CALN1: variants seen among roughly 807,000 people sequenced by gnomAD.
The protein encoded by CALN1 is calneuron 1.
CALN1 carries 17 observed loss-of-function variants against 30.6 expected under a neutral mutation model. That is an observed-to-expected ratio of 0.56 (90% confidence interval 0.38 to 0.83). The LOEUF is 0.83. CALN1 is among the 40% of genes least tolerant of loss of function. The pLI is 0.00. For missense variants in CALN1, 291 were observed against 354.9 expected, an observed-to-expected ratio of 0.82 and a Z score of 1.45; for synonymous variants, 156 against 131.4, an observed-to-expected ratio of 1.19 and a Z score of -1.28.
chr7:72,286,963 A>G (rs1419991664), intron 2 of CALN1, among the ~76,000 whole-genome samples: 1 of 152,218 alleles, frequency 6.6e-6, no homozygotes, highest in Non-Finnish European at 1.5e-5. Context: ...AGAAAAGGCA[A>G]TAAGCTGAGA....
intron 2 of CALN1, among the ~76,000 whole-genome samples, chr7:72,311,296 A>G (rs1800028437): frequency 6.6e-6 from 1 of 152,202 alleles, no homozygotes; most frequent in Admixed American, 6.5e-5. Context: ...AATATATAAT[A>G]TATCAAATAC....
intron 5 of CALN1, among the ~76,000 whole-genome samples, chr7:72,010,554 G>C (rs1290426658): frequency 6.6e-6 from 1 of 152,154 alleles, no homozygotes; most frequent in Non-Finnish European, 1.5e-5. Flanking sequence ...GCTCACATCT[G>C]TAATCTCAGC....
At chr7:71,839,895 G>A (rs1360250885) in intron 5 of CALN1, among the ~76,000 whole-genome samples, 1 of 152,146 alleles carries the variant, frequency 6.6e-6, no homozygotes, top group Non-Finnish European at 1.5e-5. Context: ...CAGATTCAAA[G>A]GGTGGGAAGG....
At chr7:72,482,561 A>G in the CALN1 span, among the ~76,000 whole-genome samples, 17 of 151,826 alleles carry the variant, frequency 1.1e-4, no homozygotes, top group Admixed American at 3.9e-4. Context: ...ATATTTCTTT[A>G]TGACAGTCTA....
rs1433838386 is a variant in CALN1, at chr7:72,261,770, C to CT, written c.244+16915dup. On this transcript the variant is annotated intron_variant, in intron 3 of 6. Coordinates refer to ENST00000395275, the MANE Select transcript of CALN1 (RefSeq NM_031468.4). ...AGGAAAAAAACACCACCACCACATA[C>CT]TTTTTTCACCATCACCATAAAACTT... 2.0e-5 allele frequency among the ~76,000 whole-genome samples: 3 copies of CT among 152,242 alleles called. No homozygotes were observed. In the South Asian group the frequency reaches 6.2e-4, roughly 32 times the overall value.
chr7:72,172,116 T>C (rs2129545503), intron 3 of CALN1, among the ~76,000 whole-genome samples: 1 of 152,312 alleles, frequency 6.6e-6, no homozygotes, highest in African/African-American at 2.4e-5. Flanking sequence ...AACAGACCCA[T>C]GGGGTCCAGC....
At chr7:72,117,399 A>G (rs1474472368) in intron 3 of CALN1, among the ~76,000 whole-genome samples, 1 of 152,186 alleles carries the variant, frequency 6.6e-6, no homozygotes, top group Non-Finnish European at 1.5e-5. Flanking sequence ...GTGATGCTAT[A>G]CCGGTCAGGC....
chr7:72,213,554 T>C (rs943992012), intron 3 of CALN1, among the ~76,000 whole-genome samples: 3 of 152,188 alleles, frequency 2.0e-5, no homozygotes, highest in African/African-American at 7.2e-5. Flanking sequence ...TTATGGTATG[T>C]AAATGATACT....
At chr7:71,805,205 G>C (rs1787535054) in intron 6 of CALN1, among the ~76,000 whole-genome samples, 1 of 152,158 alleles carries the variant, frequency 6.6e-6, no homozygotes, top group African/African-American at 2.4e-5. Flanking sequence ...CTGGTGAAGA[G>C]GCAGATGGGC....
intron 3 of CALN1, among the ~76,000 whole-genome samples, chr7:72,278,015 G>GGGT (rs894960695): frequency 1.5e-5 from 2 of 137,716 alleles, no homozygotes; most frequent in Non-Finnish European, 3.2e-5. Context: ...TTCCGGGGGG[G>GGGT]GGGGACTTGT....
intron 1 of CALN1, among the ~76,000 whole-genome samples, chr7:72,417,418 G>A (rs1807457690): frequency 6.6e-6 from 1 of 152,200 alleles, no homozygotes; most frequent in Non-Finnish European, 1.5e-5. Flanking sequence ...GTGGGAGGAA[G>A]TAAATGAGAA....
chr7:71,985,935 T>C (rs1407664371), intron 5 of CALN1, among the ~76,000 whole-genome samples: 2 of 151,990 alleles, frequency 1.3e-5, no homozygotes, highest in Admixed American at 6.6e-5. Context: ...TAATAAAAAT[T>C]TGGAAGCAAT....
chr7:71,985,063 G>A (rs1798592131), intron 5 of CALN1, among the ~76,000 whole-genome samples: 1 of 152,046 alleles, frequency 6.6e-6, no homozygotes, highest in Non-Finnish European at 1.5e-5. Flanking sequence ...CTCCATGTAA[G>A]AGTACAACAA....
the CALN1 span, among the ~76,000 whole-genome samples, chr7:72,493,786 G>A: frequency 1.3e-5 from 2 of 152,198 alleles, no homozygotes; most frequent in African/African-American, 2.4e-5. Flanking sequence ...GTGGCATTGT[G>A]TTATTGCTGA....
chr7:72,423,037 G>A (rs987791907), intron 1 of CALN1, among the ~76,000 whole-genome samples: 9 of 151,618 alleles, frequency 5.9e-5, no homozygotes, highest in African/African-American at 1.7e-4. Context: ...GCTTGAACCC[G>A]GGAGATGGAG....
intron 2 of CALN1, among the ~76,000 whole-genome samples, chr7:72,340,595 T>G (rs773102435): frequency 6.6e-6 from 1 of 152,216 alleles, no homozygotes; most frequent in African/African-American, 2.4e-5. Flanking sequence ...TTGATGCGGA[T>G]AGCTGGTCTT....
chr7:72,012,757 C>A (rs1469312999), intron 5 of CALN1, among the ~76,000 whole-genome samples: 1 of 152,152 alleles, frequency 6.6e-6, no homozygotes, highest in African/African-American at 2.4e-5. Flanking sequence ...TTCCTCCTGG[C>A]AGCTGGCAGC....
At chr7:71,899,728 A>C (rs1360146856) in intron 5 of CALN1, among the ~76,000 whole-genome samples, 1 of 152,194 alleles carries the variant, frequency 6.6e-6, no homozygotes, top group Non-Finnish European at 1.5e-5. Flanking sequence ...CAGGTATTAA[A>C]GCATATAACA....
At chr7:71,808,058 A>G (rs1787723398) in intron 6 of CALN1, among the ~76,000 whole-genome samples, 1 of 152,170 alleles carries the variant, frequency 6.6e-6, no homozygotes, top group Non-Finnish European at 1.5e-5. Context: ...TGGGTGACAC[A>G]GTGAGACTTT....
Sources: allele counts gnomAD v4.1 joint callset (sites outside exome capture counted in the v4.1 genomes callset), GRCh38; gene constraint gnomAD v4.1.1; transcripts MANE v1.5; gene names NCBI Gene and HGNC (gene_info 2026-07-23, HGNC 2026-07-21).